PTPRN2: variants seen among roughly 807,000 people sequenced by gnomAD.
PTPRN2 encodes the protein receptor-type tyrosine-protein phosphatase N2.
A neutral mutation model predicts 118.8 loss-of-function variants in PTPRN2; 74 were observed. That is an observed-to-expected ratio of 0.62 (90% CI 0.52 to 0.76). The LOEUF is 0.76. Ranked by LOEUF, PTPRN2 falls within the 30% of genes least tolerant of loss-of-function variation. The pLI, the probability that PTPRN2 is intolerant of heterozygous loss-of-function variation, is 0.00. For synonymous variants in PTPRN2, 641 were observed against 608.0 expected (o/e 1.05, Z -0.80); for missense variants, 1,481 against 1,394.4 (o/e 1.06, Z -0.99).
At chr7:157,968,343 G>A (rs144464984) in intron 11 of PTPRN2, among the ~76,000 whole-genome samples, 1 of 152,326 alleles carries the variant, frequency 6.6e-6, no homozygotes, top group Non-Finnish European at 1.5e-5. Flanking sequence ...AGCCTCTGTG[G>A]CCTTGGGCAG....
chr7:158,533,723 A>G (rs1825421222), intron 1 of PTPRN2, among the ~76,000 whole-genome samples: 1 of 152,216 alleles, frequency 6.6e-6, no homozygotes, highest in Admixed American at 6.5e-5. Context: ...CCTATAACGG[A>G]CATCCTTTCG....
At chr7:158,300,458 A>G (rs1800802609) in intron 3 of PTPRN2, among the ~76,000 whole-genome samples, 1 of 97,364 alleles carries the variant, frequency 1.0e-5, no homozygotes, top group South Asian at 3.3e-4. Context: ...TGAAATTCTC[A>G]AAGATTTTAT....
chr7:158,016,332 G>A (rs1464757746), intron 11 of PTPRN2, among the ~76,000 whole-genome samples: 2 of 152,170 alleles, frequency 1.3e-5, no homozygotes, highest in Non-Finnish European at 2.9e-5. Context: ...TGCCCCGCCG[G>A]GCCCACAGCA....
chr7:157,656,510 T>C lies in PTPRN2; in HGVS notation c.2043A>G (p.Arg681=). ...RQRMATRPPD[R]PEGPHTSRIS... ...TGCGTGACGTGTGCGGGCCCTCAGG[T>C]CGGTCTGGTGGCCGCGTGGCCATAC... The change falls in exon 14 of 23, where the codon CGA becomes CGG. Residue 681 remains arginine (R), a synonymous_variant. Transcript: ENST00000389418. 6.4e-7 allele frequency: 1 copy of C among 1,551,818 alleles called. No homozygotes were observed. Among genetic ancestry groups the C allele is most frequent in the African/African-American group, 1.4e-5 (1 of 73,492 alleles).
chr7:157,540,681 TG>T lies in PTPRN2; in HGVS notation c.*32del. ...ATGATTCCTGACAACATCCGTGGGG[TG>T]GGGGCTCCCCTGAGGCCCCTGAGGC... On this transcript the variant is annotated 3_prime_UTR_variant, in exon 23 of 23. Transcript: ENST00000389418. 1 of 1,479,122 alleles carries T rather than the reference TG, an allele frequency of 6.8e-7. No individual in the cohort carries two copies. Among genetic ancestry groups the T allele is most frequent in the Non-Finnish European group, 9.2e-7 (1 of 1,082,386 alleles). 91.6% of individuals were successfully genotyped at this position (1,479,122 alleles called of 1,614,324 possible).
intron 3 of PTPRN2, among the ~76,000 whole-genome samples, chr7:158,222,844 C>A (rs1227238202): frequency 6.6e-6 from 1 of 151,598 alleles, no homozygotes; most frequent in Non-Finnish European, 1.5e-5. Context: ...GAAAAGAAAT[C>A]AATGTAATTT....
chr7:157,571,291 G>A, intron 20 of PTPRN2, 149 bp downstream of exon 20: 4 of 518,830 alleles, frequency 7.7e-6, no homozygotes, highest in South Asian at 5.3e-5. Context: ...AAATGGCATA[G>A]AAAAGTAAGT....
At chr7:157,963,913 AG>A (rs1801716190) in intron 11 of PTPRN2, among the ~76,000 whole-genome samples, 1 of 152,200 alleles carries the variant, frequency 6.6e-6, no homozygotes, top group South Asian at 2.1e-4. Context: ...TATGTTGCTC[AG>A]GCTGGTCTCA....
At chr7:157,745,597 C>T (rs910136736) in intron 12 of PTPRN2, among the ~76,000 whole-genome samples, 1 of 152,080 alleles carries the variant, frequency 6.6e-6, no homozygotes, top group Non-Finnish European at 1.5e-5. Context: ...CTCCCCAAAA[C>T]GTCTGGGACA....
At chr7:158,262,092 C>T (rs987773382) in intron 3 of PTPRN2, among the ~76,000 whole-genome samples, 10 of 152,128 alleles carry the variant, frequency 6.6e-5, no homozygotes, top group Non-Finnish European at 1.0e-4. Context: ...AGAGCTCCTA[C>T]GTCCAGCAGG....
intron 14 of PTPRN2, among the ~76,000 whole-genome samples, chr7:157,634,947 C>T (rs1026637367): frequency 6.6e-6 from 1 of 152,200 alleles, no homozygotes; most frequent in African/African-American, 2.4e-5. Flanking sequence ...CCTAACAGGC[C>T]TCCAGGTCCC....
chr7:158,422,325 G>C (rs962683627), intron 2 of PTPRN2, among the ~76,000 whole-genome samples: 1 of 152,184 alleles, frequency 6.6e-6, no homozygotes, highest in African/African-American at 2.4e-5. Flanking sequence ...AGCTTGGTTG[G>C]GGAGAGCTGG....
At position 157,585,958 on chromosome 7, in the gene PTPRN2, A is replaced by C. The variant is rs530099095; in HGVS notation, c.2497-7818T>G. ...CCATCTTTGCACTGTCCCAGGCAGA[A>C]CCATGGACAAGCTTTGAGGTCATAG... On this transcript the variant is annotated intron_variant, in intron 17 of 22. Transcript: ENST00000389418. The surrounding 1 kb of genome is among the most constrained non-coding windows in gnomAD (Gnocchi z 5.2). 5.4e-4 allele frequency among the ~76,000 whole-genome samples: 83 copies of C among 152,366 alleles called. No homozygotes were observed. The highest frequency in any genetic ancestry group is 1.8e-3 in the African/African-American group (76 of 41,592).
intron 2 of PTPRN2, among the ~76,000 whole-genome samples, chr7:158,317,236 T>C (rs76065273): frequency 0.04 from 6,062 of 152,346 alleles, 426 homozygotes; most frequent in African/African-American, 0.14. Context: ...TCACATTTTT[T>C]ATGTAAAACT....
chr7:158,394,437 C>A (rs753039839), intron 2 of PTPRN2, among the ~76,000 whole-genome samples: 1 of 152,234 alleles, frequency 6.6e-6, no homozygotes, highest in Non-Finnish European at 1.5e-5. Context: ...CTGTCCCAGC[C>A]TGCGACGGGG....
intron 12 of PTPRN2, among the ~76,000 whole-genome samples, chr7:157,802,462 G>A (rs1054670615): frequency 1.3e-5 from 2 of 152,328 alleles, no homozygotes; most frequent in African/African-American, 2.4e-5. Context: ...TATGCACCAC[G>A]CTTTCCTGCC....
intron 13 of PTPRN2, among the ~76,000 whole-genome samples, chr7:157,673,434 T>C (rs1364968813): frequency 6.6e-6 from 1 of 152,220 alleles, no homozygotes; most frequent in Non-Finnish European, 1.5e-5. Flanking sequence ...AAGGGAGCAC[T>C]ATTCTGCAGC....
chr7:157,716,251 G>C (rs754879302), intron 12 of PTPRN2, among the ~76,000 whole-genome samples: 4 of 125,322 alleles, frequency 3.2e-5, no homozygotes, highest in Non-Finnish European at 7.3e-5. Flanking sequence ...TGGCCACGAA[G>C]ACTCTGCGGG....
At chr7:158,079,508 T>G (rs1459219895) in intron 11 of PTPRN2, among the ~76,000 whole-genome samples, 1 of 152,264 alleles carries the variant, frequency 6.6e-6, no homozygotes, top group Non-Finnish European at 1.5e-5. Flanking sequence ...GTGAGTATAT[T>G]GTTATGATTT....
Sources: allele counts gnomAD v4.1 joint callset (sites outside exome capture counted in the v4.1 genomes callset), GRCh38; gene constraint gnomAD v4.1.1; non-coding constraint Gnocchi (gnomAD v3.1); transcripts MANE v1.5; gene names NCBI Gene and HGNC (gene_info 2026-07-23, HGNC 2026-07-21).